Variants in INTS6 observed in about 807,000 individuals in gnomAD.
INTS6 encodes the protein DEAD box protein.
Under a neutral mutation model 104.9 loss-of-function variants are expected in INTS6, and 16 were observed. That is an observed-to-expected ratio of 0.15 (90% CI 0.10 to 0.23). The LOEUF is 0.23. Among genes scored for constraint, INTS6 ranks in the 10% least tolerant of loss-of-function variants. INTS6 has a pLI of 1.00. For missense variants in INTS6, 584 were observed against 1,062.8 expected (o/e 0.55, Z 6.26); for synonymous variants, 324 against 358.7 (o/e 0.90, Z 1.09).
chr13:51,380,207 G>A (rs1431743967), intron 10 of INTS6, among the ~76,000 whole-genome samples: 1 of 151,848 alleles, frequency 6.6e-6, no homozygotes, highest in African/African-American at 2.4e-5. Context: ...TAAGCAGGAG[G>A]AAAAAACAAT....
At chr13:51,394,999 T>C (rs1397365070) in intron 5 of INTS6, among the ~76,000 whole-genome samples, 1 of 152,222 alleles carries the variant, frequency 6.6e-6, no homozygotes, top group Non-Finnish European at 1.5e-5. Flanking sequence ...CTATGGTACT[T>C]CTAAATCATT....
At chr13:51,358,299 A>G (rs1955512143), downstream of INTS6, among the ~76,000 whole-genome samples, 2 of 152,186 alleles carry the variant, frequency 1.3e-5, no homozygotes, top group Admixed American at 1.3e-4. Context: ...TGTAAAGACA[A>G]AAGAAACAGC....
rs1165235643 is a variant in INTS6 at position 51,452,327 on chromosome 13, C to T, written c.111+88G>A. On this transcript the variant is annotated intron_variant, in intron 1 of 17. Transcript: ENST00000311234. This position sits in a 1 kb window ranked among gnomAD's most constrained non-coding sequence, Gnocchi z 4.2. ...CCGGCAGCTCCCGCAGTCAGGTCCC[C>T]GACACCCCCGCCCCGGCCGCCCTCC... is the stretch of plus-strand genomic sequence containing the variant. The T allele has an allele frequency of 1.6e-6, 2 of 1,227,552 alleles. No individual in the cohort carries two copies. The highest frequency in any genetic ancestry group is 7.6e-5 in the East Asian group (2 of 26,272). The allele number at this position is 1,227,552 out of a possible 1,614,324, so 76.0% of individuals were successfully genotyped here.
chr13:51,342,844 G>GT, the INTS6 span, among the ~76,000 whole-genome samples: 7 of 152,254 alleles, frequency 4.6e-5, no homozygotes, highest in South Asian at 1.5e-3. Context: ...TTATAAGTAT[G>GT]TTTTTATCCA....
In INTS6 at chr13:51,376,059, C is replaced by T; in HGVS notation, c.1718G>A (p.Gly573Glu). Reference protein sequence around the residue: ...LLKSTRRFLKGQDEDQVHSVP... With the variant: ...LLKSTRRFLKEQDEDQVHSVP... The stretch of plus-strand genomic sequence containing the variant: ...AACTATGTTCTAACCTTCGTCCTGT[C>T]CTTTCAGAAATCTGCGAGTGCTCTT... Residue 573 changes from glycine (G) to glutamate (E), a missense_variant, in exon 13 of 18, where the codon GGA (glycine) becomes GAA (glutamate). Coordinates refer to ENST00000311234, the MANE Select transcript of INTS6 (RefSeq NM_012141.3). 6.2e-7 allele frequency: 1 copy of T among 1,608,900 alleles called. No individual in the cohort carries two copies. The highest frequency in any genetic ancestry group is 8.5e-7 in the Non-Finnish European group (1 of 1,178,486).
the INTS6 span, among the ~76,000 whole-genome samples, chr13:51,336,932 AG>A: frequency 6.6e-6 from 1 of 152,364 alleles, no homozygotes; most frequent in Non-Finnish European, 1.5e-5. Context: ...TGCAGCTATC[AG>A]CCGGGACAGC....
intron 4 of INTS6, among the ~76,000 whole-genome samples, chr13:51,420,439 G>A (rs568060620): frequency 1.4e-4 from 22 of 151,860 alleles, no homozygotes; most frequent in African/African-American, 3.9e-4. Context: ...TTCTGTGAGT[G>A]CTTCAAATCA....
chr13:51,395,195 A>T, intron 5 of INTS6, 105 bp downstream of exon 5: 1 of 1,112,516 alleles, frequency 9.0e-7, no homozygotes, highest in Non-Finnish European at 1.3e-6. Flanking sequence ...TCCTAATATT[A>T]ACTTGTGAAA....
rs749666259 is a variant in INTS6, at chr13:51,369,192, T to G, written c.2223A>C (p.Pro741=). Residue 741 remains proline, a synonymous_variant, in exon 16 of 18, where the codon CCA becomes CCC. Transcript: ENST00000311234. ...AMDTEFSASS[P]ASLLERPTNH... ...TGGTTGGCCGTTCCAGTAAACTGGC[T>G]GGAGAAGATGCTGAAAATTCCGTAT... 1.8e-5 allele frequency: 29 copies of G among 1,613,898 alleles called. No individual in the cohort carries two copies. The highest frequency in any genetic ancestry group is 2.5e-5 in the Non-Finnish European group (29 of 1,179,864).
the INTS6 span, among the ~76,000 whole-genome samples, chr13:51,338,451 A>ATGGATAGG: frequency 2.1e-4 from 1 of 4,722 alleles, no homozygotes; most frequent in Non-Finnish European, 1.2e-3. Context: ...GGATAGGTGG[A>ATGGATAGG]TGGATGGATG....
chr13:51,449,252 T>A (rs2138174572), intron 3 of INTS6: 1 of 153,152 alleles, frequency 6.5e-6, no homozygotes, highest in Middle Eastern at 3.4e-3. Context: ...CCCTCTCTGT[T>A]ATTGAATTAA....
chr13:51,438,077 A>G (rs917493734), intron 3 of INTS6: 2 of 152,210 alleles, frequency 1.3e-5, no homozygotes, highest in Non-Finnish European at 2.9e-5. Flanking sequence ...TTCGTAAAAA[A>G]TGTGGATTTT....
the INTS6 span, among the ~76,000 whole-genome samples, chr13:51,335,622 G>A: frequency 1.3e-5 from 2 of 152,276 alleles, no homozygotes; most frequent in South Asian, 4.1e-4. Flanking sequence ...ACATCCTAGG[G>A]AAATTCCCGC....
At chr13:51,415,761 G>GT (rs1446577325) in intron 4 of INTS6, among the ~76,000 whole-genome samples, 1 of 152,192 alleles carries the variant, frequency 6.6e-6, no homozygotes, top group African/African-American at 2.4e-5. Context: ...CTATTTGAGA[G>GT]TAAGTTGAGT....
At chr13:51,444,435 T>G (rs1454962091) in intron 3 of INTS6, 1 of 151,722 alleles carries the variant, frequency 6.6e-6, no homozygotes. Context: ...AAGATTTGTT[T>G]TGAACAATTT....
At chr13:51,415,475 G>T (rs1956770630) in intron 4 of INTS6, among the ~76,000 whole-genome samples, 1 of 152,138 alleles carries the variant, frequency 6.6e-6, no homozygotes, top group Non-Finnish European at 1.5e-5. Flanking sequence ...CTGCCATGCT[G>T]TTCTCATGAT....
chr13:51,389,337 C>A lies in INTS6; in HGVS notation c.721G>T (p.Asp241Tyr), dbSNP rs1956204553. Residue 241 changes from aspartate (D) to tyrosine (Y), a missense_variant, in exon 6 of 18, where the codon GAT (aspartate) becomes TAT (tyrosine). Transcript: ENST00000311234. ...VVINFEKAGP[D>Y]PSPVEDGQPD... ...ATAATACCTTCTACAGGGGAAGGAT[C>A]TGGTCCTGCTTTTTCAAAGTTTATT... The A allele has an allele frequency of 4.3e-6, 7 of 1,613,326 alleles. No individual in the cohort carries two copies. The highest frequency in any genetic ancestry group is 5.9e-6 in the Non-Finnish European group (7 of 1,179,728).
At chr13:51,405,711 C>T (rs1027397612) in intron 4 of INTS6, among the ~76,000 whole-genome samples, 3 of 152,122 alleles carry the variant, frequency 2.0e-5, no homozygotes, top group Admixed American at 2.0e-4. Context: ...AATTATGCTA[C>T]TAAATGATGG....
In INTS6 at chr13:51,452,826, C is replaced by T; in HGVS notation, c.-301G>A. ...TTCGTCCCCCCCGCCTCGGGGGTCC[C>T]GTCCCCGCTCCCGGCCCCTGTGTGT... is the stretch of plus-strand genomic sequence containing the variant. On this transcript the variant is annotated 5_prime_UTR_variant, in exon 1 of 18. Transcript: ENST00000311234. This position sits in a 1 kb window ranked among gnomAD's most constrained non-coding sequence, Gnocchi z 4.2. The T allele has an allele frequency of 2.6e-6, 3 of 1,165,598 alleles. No homozygotes were observed. Among genetic ancestry groups the T allele is most frequent in the Non-Finnish European group, 3.2e-6 (3 of 938,034 alleles). The allele number at this position is 1,165,598 out of a possible 1,614,324, so 72.2% of individuals were successfully genotyped here.
Sources: allele counts gnomAD v4.1 joint callset (sites outside exome capture counted in the v4.1 genomes callset), GRCh38; gene constraint gnomAD v4.1.1; non-coding constraint Gnocchi (gnomAD v3.1); transcripts MANE v1.5; gene names NCBI Gene and HGNC (gene_info 2026-07-23, HGNC 2026-07-21).